CDC42BPB: variants seen among roughly 807,000 people sequenced by gnomAD.
CDC42BPB encodes the protein CDC42 binding protein kinase beta.
A neutral mutation model predicts 214.9 loss-of-function variants in CDC42BPB; 37 were observed. The ratio of observed to expected loss-of-function variants is 0.17; its 90% CI spans 0.13 to 0.23. CDC42BPB has a LOEUF of 0.23. Among genes scored for constraint, CDC42BPB ranks in the 10% least tolerant of loss-of-function variants. CDC42BPB has a pLI of 1.00. For missense variants in CDC42BPB, 1,694 were observed against 2,227.0 expected (o/e 0.76, Z 4.82); for synonymous variants, 931 against 884.0 (o/e 1.05, Z -0.94).
At chr14:102,989,478 AAAATATTGG>A (rs1894394010) in intron 5 of CDC42BPB, among the ~76,000 whole-genome samples, 1 of 152,278 alleles carries the variant, frequency 6.6e-6, no homozygotes, top group Admixed American at 6.5e-5. Context: ...TTATAATTGC[AAAATATTGG>A]AAACTATCTA....
At chr14:102,965,670 A>C (rs559466634) in intron 18 of CDC42BPB, among the ~76,000 whole-genome samples, 2 of 152,230 alleles carry the variant, frequency 1.3e-5, no homozygotes, top group Non-Finnish European at 2.9e-5. Context: ...AAATGGACAG[A>C]GGAAGGCCAG....
chr14:102,975,782 G>T lies in CDC42BPB; in HGVS notation c.1409C>A (p.Ser470Tyr). ...KLQESTQTVQ[S>Y]LHGSSRALSN... ...GAGGGCCCGAGATGAGCCGTGGAGG[G>T]ACTGCACGGTCTGGGTGGACTCTGA... is the stretch of plus-strand genomic sequence containing the variant. Residue 470 changes from serine (S) to tyrosine (Y), a missense_variant, in exon 11 of 37, where the codon TCC (serine) becomes TAC (tyrosine). By Grantham distance (144) the Ser-to-Tyr change is moderately radical (BLOSUM62 -2). Coordinates refer to ENST00000361246, the MANE Select transcript of CDC42BPB (RefSeq NM_006035.4). 1 of 1,614,150 alleles carries T rather than the reference G, an allele frequency of 6.2e-7. No homozygotes were observed. The highest frequency in any genetic ancestry group is 1.1e-5 in the South Asian group (1 of 91,074).
intron 1 of CDC42BPB, 137 bp from the exon 2 acceptor site, chr14:103,012,325 G>A (rs1886203940): frequency 6.9e-7 from 1 of 1,445,438 alleles, no homozygotes; most frequent in East Asian, 2.5e-5. Flanking sequence ...GACATGTTTT[G>A]GAAAGTGAGC....
intron 14 of CDC42BPB, 79 bp from the exon 15 acceptor site, chr14:102,968,795 C>T: frequency 6.4e-7 from 1 of 1,566,132 alleles, no homozygotes; most frequent in Non-Finnish European, 8.6e-7. Flanking sequence ...CCTTTCATCC[C>T]AAGCAAGTGC....
chr14:102,949,520 C>G (rs577651137), intron 26 of CDC42BPB, among the ~76,000 whole-genome samples: 1 of 152,296 alleles, frequency 6.6e-6, no homozygotes, highest in East Asian at 1.9e-4. Context: ...AACGCAAACA[C>G]ATGCGAGGCA....
rs1893040803 is a variant in CDC42BPB at position 102,963,285 on chromosome 14, A to G, written c.2727-130T>C. ...AGGACTGTCCAGAACACGGTAGCTCATGCTGGGCCTTTCTACTGCAAACAC... is the reference window on the plus strand; with the variant it reads ...AGGACTGTCCAGAACACGGTAGCTCGTGCTGGGCCTTTCTACTGCAAACAC... On this transcript the variant is annotated intron_variant, in intron 19 of 36. Coordinates refer to ENST00000361246, the MANE Select transcript of CDC42BPB (RefSeq NM_006035.4). 16 of 1,393,294 alleles carry G rather than the reference A, an allele frequency of 1.1e-5. No homozygotes were observed. The South Asian group carries it at 2.6e-4, about 23-fold the overall frequency. 86.3% of individuals were successfully genotyped at this position (1,393,294 alleles called of 1,614,324 possible). A position where few individuals can be genotyped will look rare whatever the true frequency, so the allele number is the denominator to read the frequency against.
intron 1 of CDC42BPB, among the ~76,000 whole-genome samples, chr14:103,033,586 A>T (rs1276059317): frequency 2.6e-5 from 4 of 152,164 alleles, no homozygotes. Context: ...TTTGAATAGG[A>T]AATATTACCA....
chr14:103,026,317 G>C (rs1365876867), intron 1 of CDC42BPB, among the ~76,000 whole-genome samples: 2 of 151,936 alleles, frequency 1.3e-5, no homozygotes, highest in Non-Finnish European at 2.9e-5. Context: ...CGTGAACCTG[G>C]GAGGCAGAGG....
chr14:103,024,764 TTATATAA>T (rs1322732271), intron 1 of CDC42BPB, among the ~76,000 whole-genome samples: 2 of 152,202 alleles, frequency 1.3e-5, no homozygotes, highest in African/African-American at 4.8e-5. Context: ...GTCAGGGATG[TTATATAA>T]TAATATCTCT....
intron 21 of CDC42BPB, among the ~76,000 whole-genome samples, chr14:102,957,066 T>C (rs1033184834): frequency 6.4e-5 from 9 of 141,298 alleles, no homozygotes; most frequent in Admixed American, 5.1e-4. Flanking sequence ...CCGGGCATAG[T>C]GGCGCGTGCC....
intron 14 of CDC42BPB, among the ~76,000 whole-genome samples, chr14:102,969,193 C>G (rs911494041): frequency 2.0e-5 from 3 of 152,332 alleles, no homozygotes; most frequent in Middle Eastern, 3.4e-3. Context: ...AGTGAGGTGT[C>G]AGGCTAGGGG....
chr14:102,985,193 T>A (rs1032356321), intron 6 of CDC42BPB, among the ~76,000 whole-genome samples: 3 of 142,192 alleles, frequency 2.1e-5, no homozygotes, highest in African/African-American at 8.1e-5. Context: ...GACAGGGTGG[T>A]GTGGAGGTGT....
At chr14:103,022,935 C>T (rs781563521) in intron 1 of CDC42BPB, among the ~76,000 whole-genome samples, 5 of 152,104 alleles carry the variant, frequency 3.3e-5, no homozygotes, top group Non-Finnish European at 5.9e-5. Context: ...CACACCAGTT[C>T]TCTTAAGAAC....
At chr14:103,000,122 T>C (rs1188967995) in intron 4 of CDC42BPB, among the ~76,000 whole-genome samples, 6 of 152,142 alleles carry the variant, frequency 3.9e-5, no homozygotes, top group African/African-American at 1.2e-4. Flanking sequence ...GGAGGCAAAG[T>C]AGTTAACATC....
At chr14:103,049,530 G>T (rs912317311) in intron 1 of CDC42BPB, among the ~76,000 whole-genome samples, 38 of 152,378 alleles carry the variant, frequency 2.5e-4, no homozygotes, top group African/African-American at 8.9e-4. Flanking sequence ...GCAGTTAAAA[G>T]TGGTAGTCTG....
At chr14:103,038,377 CCTT>C (rs1887791551) in intron 1 of CDC42BPB, among the ~76,000 whole-genome samples, 1 of 151,806 alleles carries the variant, frequency 6.6e-6, no homozygotes, top group African/African-American at 2.4e-5. Context: ...CTTCAGCACT[CCTT>C]AATAGCCCCA....
In CDC42BPB at chr14:103,057,077, C is replaced by A. The variant is rs763422325; in HGVS notation, c.97G>T (p.Val33Leu). Residue 33 changes from valine to leucine, a missense_variant, in exon 1 of 37, where the codon GTG becomes TTG. Val to Leu is a conservative substitution (Grantham distance 32). This residue lies in a region of CDC42BPB where 83 missense variants were observed against 79.9 expected (regional missense o/e 1.04). Coordinates refer to ENST00000361246, the MANE Select transcript of CDC42BPB (RefSeq NM_006035.4). ...SALSVETLLD[V>L]LVCLYTECSH... ...CACTCGGTGTACAGGCAGACGAGCA[C>A]GTCGAGCAGCGTTTCCACGCTCAGG... The A allele has an allele frequency of 2.6e-6, 4 of 1,524,922 alleles. No homozygotes were observed. The highest frequency in any genetic ancestry group is 2.6e-6 in the Non-Finnish European group (3 of 1,141,104). The allele number at this position is 1,524,922 out of a possible 1,614,324, so 94.5% of individuals were successfully genotyped here.
At chr14:102,995,302 G>A (rs1894677846) in intron 5 of CDC42BPB, among the ~76,000 whole-genome samples, 1 of 152,016 alleles carries the variant, frequency 6.6e-6, no homozygotes, top group Admixed American at 6.5e-5. Context: ...AGCCTCCCGA[G>A]CAGCTGGGAG....
intron 20 of CDC42BPB, among the ~76,000 whole-genome samples, chr14:102,961,815 T>C (rs1311137353): frequency 6.6e-6 from 1 of 152,152 alleles, no homozygotes; most frequent in Non-Finnish European, 1.5e-5. Context: ...AGTGTTGGGA[T>C]TACAGGCGTG....
Sources: allele counts gnomAD v4.1 joint callset (sites outside exome capture counted in the v4.1 genomes callset), GRCh38; gene constraint gnomAD v4.1.1; regional missense constraint gnomAD v4.1.1; transcripts MANE v1.5; gene names NCBI Gene and HGNC (gene_info 2026-07-23, HGNC 2026-07-21).